Variants in SCHIP1 observed in about 807,000 individuals in gnomAD.
SCHIP1 encodes the protein schwannomin interacting protein 1.
Under a neutral mutation model 29.7 loss-of-function variants are expected in SCHIP1, and 8 were observed. That is an observed-to-expected ratio of 0.27 (90% CI 0.16 to 0.49). The LOEUF (loss-of-function observed/expected upper bound fraction) is 0.49. Among genes scored for constraint, SCHIP1 ranks in the 20% least tolerant of loss-of-function variants. The pLI, the probability that SCHIP1 is intolerant of heterozygous loss-of-function variation, is 0.99. For synonymous variants in SCHIP1, 76 were observed against 94.9 expected, an observed-to-expected ratio of 0.80 and a Z score of 1.16; for missense variants, 193 against 294.6, an observed-to-expected ratio of 0.66 and a Z score of 2.52.
At chr3:159,793,740 T>C in the SCHIP1 span, among the ~76,000 whole-genome samples, 1 of 152,216 alleles carries the variant, frequency 6.6e-6, no homozygotes, top group Non-Finnish European at 1.5e-5. Flanking sequence ...GTATTTTTAC[T>C]AGAGATGGGG....
chr3:159,390,466 C>G, the SCHIP1 span, among the ~76,000 whole-genome samples: 1 of 152,046 alleles, frequency 6.6e-6, no homozygotes, highest in East Asian at 1.9e-4. Flanking sequence ...CATCTTATCT[C>G]AAGGTCCTTC....
the SCHIP1 span, among the ~76,000 whole-genome samples, chr3:159,806,472 GT>G: frequency 2.6e-5 from 4 of 152,208 alleles, no homozygotes; most frequent in Non-Finnish European, 5.9e-5. Flanking sequence ...ATAGGTTTTT[GT>G]TTTGTTTTGC....
At chr3:159,368,915 G>T in the SCHIP1 span, among the ~76,000 whole-genome samples, 1 of 152,160 alleles carries the variant, frequency 6.6e-6, no homozygotes, top group African/African-American at 2.4e-5. Context: ...ATCAACAAAT[G>T]ATGTGTGTGA....
the SCHIP1 span, among the ~76,000 whole-genome samples, chr3:159,466,275 C>T: frequency 3.3e-5 from 5 of 151,994 alleles, no homozygotes; most frequent in African/African-American, 7.2e-5. Flanking sequence ...CATGATTGTG[C>T]TACTGCACTG....
chr3:159,614,157 A>G, the SCHIP1 span, among the ~76,000 whole-genome samples: 1 of 149,942 alleles, frequency 6.7e-6, no homozygotes, highest in Non-Finnish European at 1.5e-5. Context: ...GTGGTTCTAA[A>G]GCCTATGGAG....
chr3:159,734,994 G>C, the SCHIP1 span, among the ~76,000 whole-genome samples: 1 of 152,004 alleles, frequency 6.6e-6, no homozygotes, highest in Non-Finnish European at 1.5e-5. Flanking sequence ...CTGTTTGAAA[G>C]CTCTTCCTAA....
At chr3:159,355,558 T>A in the SCHIP1 span, among the ~76,000 whole-genome samples, 1 of 152,216 alleles carries the variant, frequency 6.6e-6, no homozygotes, top group African/African-American at 2.4e-5. Context: ...AGAAACTTGA[T>A]AAGCATCTAT....
At chr3:159,506,442 T>C in the SCHIP1 span, among the ~76,000 whole-genome samples, 1 of 152,242 alleles carries the variant, frequency 6.6e-6, no homozygotes, top group Admixed American at 6.5e-5. Flanking sequence ...TGGTAGTTTC[T>C]TTTGCTGTGC....
chr3:159,289,984 C>T, the SCHIP1 span, among the ~76,000 whole-genome samples: 2 of 152,130 alleles, frequency 1.3e-5, no homozygotes, highest in African/African-American at 4.8e-5. Context: ...CTGCTGCACC[C>T]AACGAAGCTA....
the SCHIP1 span, among the ~76,000 whole-genome samples, chr3:159,506,616 T>C: frequency 1.3e-5 from 2 of 152,254 alleles, no homozygotes; most frequent in African/African-American, 4.8e-5. Context: ...CATTTAAGTC[T>C]TTAATCCTTC....
the SCHIP1 span, among the ~76,000 whole-genome samples, chr3:159,744,609 C>G: frequency 6.6e-6 from 1 of 152,234 alleles, no homozygotes; most frequent in South Asian, 2.1e-4. Flanking sequence ...ATGATGCCTA[C>G]CTCTCTGGAA....
At chr3:159,462,802 A>T in the SCHIP1 span, among the ~76,000 whole-genome samples, 34 of 152,236 alleles carry the variant, frequency 2.2e-4, no homozygotes, top group Middle Eastern at 3.4e-3. Context: ...CCATCTATTA[A>T]AATTCCTCTT....
chr3:159,422,907 A>T, the SCHIP1 span, among the ~76,000 whole-genome samples: 439 of 152,234 alleles, frequency 2.9e-3, 1 homozygote, highest in African/African-American at 9.9e-3. Flanking sequence ...TGCCATGAAC[A>T]TTCTAGTGCA....
the SCHIP1 span, among the ~76,000 whole-genome samples, chr3:159,543,914 G>A: frequency 2.6e-5 from 4 of 152,062 alleles, no homozygotes; most frequent in South Asian, 2.1e-4. Flanking sequence ...GCCATAGAAC[G>A]GCACTTTTAA....
chr3:159,791,370 C>G, the SCHIP1 span, among the ~76,000 whole-genome samples: 1 of 152,236 alleles, frequency 6.6e-6, no homozygotes, highest in Non-Finnish European at 1.5e-5. Context: ...CGGCAAGAAG[C>G]AGCCACCACT....
At chr3:159,526,125 C>A in the SCHIP1 span, among the ~76,000 whole-genome samples, 1,141 of 152,250 alleles carry the variant, frequency 7.5e-3, 13 homozygotes, top group African/African-American at 0.026. Context: ...TGGCAAAATA[C>A]TTCCCACTTT....
At chr3:159,621,121 G>A in the SCHIP1 span, among the ~76,000 whole-genome samples, 1 of 152,206 alleles carries the variant, frequency 6.6e-6, no homozygotes, top group South Asian at 2.1e-4. Flanking sequence ...GAGAAACACT[G>A]TTGATGTGGT....
At chr3:159,451,279 C>T in the SCHIP1 span, among the ~76,000 whole-genome samples, 1 of 152,194 alleles carries the variant, frequency 6.6e-6, no homozygotes, top group Non-Finnish European at 1.5e-5. Flanking sequence ...TTACACAACC[C>T]TCTTAACTCT....
At chr3:159,642,546 T>G in the SCHIP1 span, among the ~76,000 whole-genome samples, 2 of 152,138 alleles carry the variant, frequency 1.3e-5, no homozygotes, top group Non-Finnish European at 2.9e-5. Flanking sequence ...ATTCATTCCA[T>G]GAACAAACAC....
Sources: gnomAD v4.1 joint callset for allele counts (sites outside exome capture counted in the v4.1 genomes callset) on GRCh38, gnomAD v4.1.1 for gene constraint, MANE v1.5 for transcripts, NCBI Gene and HGNC (gene_info 2026-07-23, HGNC 2026-07-21) for gene names.